Variants in SNX1 observed in about 807,000 individuals in gnomAD.
SNX1 encodes the protein sorting nexin 1.
In SNX1, 36 loss-of-function variants were observed where a neutral mutation model predicts 71.8. That is an observed-to-expected ratio of 0.50 (90% CI 0.38 to 0.66). The LOEUF is 0.66. Ranked by LOEUF, SNX1 falls within the 30% of genes least tolerant of loss-of-function variation. SNX1 has a pLI of 0.00. For missense variants in SNX1, 612 were observed against 646.7 expected (o/e 0.95, Z 0.58); for synonymous variants, 254 against 240.7 (o/e 1.06, Z -0.51).
At chr15:64,135,757 C>CAAAAAA (rs573541153) in intron 12 of SNX1, among the ~76,000 whole-genome samples, 35 of 108,584 alleles carry the variant, frequency 3.2e-4, no homozygotes, top group African/African-American at 9.9e-4. Context: ...GACTCTGTCT[C>CAAAAAA]AAAAAAAAAA....
At chr15:64,135,457 A>G (rs962545510) in intron 12 of SNX1, among the ~76,000 whole-genome samples, 5 of 148,684 alleles carry the variant, frequency 3.4e-5, no homozygotes, top group Non-Finnish European at 1.5e-5. Context: ...CTCTACTAAA[A>G]ATACAAAAAA....
At position 64,137,702 on chromosome 15, in the gene SNX1, G is replaced by T; in HGVS notation, c.*84G>T. ...TCCACCTTGATGGACCCCTAGTGAT[G>T]CATCCTGCCTAGGCTGGACTTAACC... On this transcript the variant is annotated 3_prime_UTR_variant, in exon 15 of 15. Transcript: ENST00000559844. 1.9e-6 allele frequency: 3 copies of T among 1,602,014 alleles called. No individual in the cohort carries two copies. The highest frequency in any genetic ancestry group is 1.3e-5 in the African/African-American group (1 of 74,790).
At chr15:64,123,010 G>C (rs1291040203) in intron 4 of SNX1, among the ~76,000 whole-genome samples, 1 of 152,146 alleles carries the variant, frequency 6.6e-6, no homozygotes, top group Non-Finnish European at 1.5e-5. Flanking sequence ...ACCAATGGAG[G>C]GGGTTGTGAC....
intron 6 of SNX1, 62 bp downstream of exon 6, chr15:64,126,282 C>G: frequency 6.4e-7 from 1 of 1,558,206 alleles, no homozygotes. Flanking sequence ...CCAAAATTCA[C>G]TCACTGTTCA....
intron 1 of SNX1, among the ~76,000 whole-genome samples, 159 bp downstream of exon 1, chr15:64,096,331 A>G (rs151016044): frequency 5.3e-4 from 80 of 152,282 alleles, no homozygotes; most frequent in African/African-American, 1.7e-3. Context: ...TCGAAGCGGT[A>G]GAGCTTGGCT....
At chr15:64,119,653 G>T (rs1454233949) in intron 4 of SNX1, among the ~76,000 whole-genome samples, 4 of 151,728 alleles carry the variant, frequency 2.6e-5, no homozygotes, top group Non-Finnish European at 1.5e-5. Context: ...GAACCCGGGA[G>T]GTGGAGGCTG....
chr15:64,132,913 G>A (rs1415253423), intron 11 of SNX1, among the ~76,000 whole-genome samples: 1 of 152,176 alleles, frequency 6.6e-6, no homozygotes, highest in African/African-American at 2.4e-5. Context: ...CTTAGAACTG[G>A]GCAGGCTACT....
intron 3 of SNX1, 47 bp from the exon 4 acceptor site, chr15:64,118,741 C>CT (rs756382375): frequency 6.7e-4 from 941 of 1,413,890 alleles, no homozygotes; most frequent in Middle Eastern, 8.8e-4. Flanking sequence ...AAATTGATAG[C>CT]TTTTTTTTTC....
rs899554855 is a variant in SNX1 at position 64,123,500 on chromosome 15, C to T, written c.467-3C>T. 3.7e-6 allele frequency: 6 copies of T among 1,613,276 alleles called. No individual in the cohort carries two copies. Among genetic ancestry groups the T allele is most frequent in the African/African-American group, 2.7e-5 (2 of 74,912 alleles). On this transcript the variant is annotated splice_polypyrimidine_tract_variant and splice_region_variant and intron_variant, in intron 4 of 14. Coordinates refer to ENST00000559844, the MANE Select transcript of SNX1 (RefSeq NM_003099.5). ...AATCTTCTGCTTTCTTGTTCTCTCA[C>T]AGGGGATGGTATGAATGCATATGTA...
At chr15:64,097,087 A>G (rs1041561743) in intron 1 of SNX1, among the ~76,000 whole-genome samples, 1 of 151,998 alleles carries the variant, frequency 6.6e-6, no homozygotes, top group Non-Finnish European at 1.5e-5. Context: ...TGCTCCTTTT[A>G]TGGTTCCTAT....
intron 1 of SNX1, among the ~76,000 whole-genome samples, chr15:64,108,150 G>A (rs993907902): frequency 1.0e-4 from 15 of 150,544 alleles, no homozygotes; most frequent in African/African-American, 2.7e-4. Context: ...CCAAGATTGC[G>A]CCACTGCACT....
intron 1 of SNX1, 35 bp from the exon 2 acceptor site, chr15:64,112,538 G>A: frequency 1.4e-6 from 2 of 1,462,460 alleles, no homozygotes; most frequent in Non-Finnish European, 9.4e-7. Flanking sequence ...GTTTTTCATG[G>A]TAATGTTTTA....
chr15:64,122,662 G>A (rs2081207833), intron 4 of SNX1, among the ~76,000 whole-genome samples: 1 of 152,100 alleles, frequency 6.6e-6, no homozygotes, highest in Admixed American at 6.6e-5. Flanking sequence ...TTTGATGTGG[G>A]AAGGAATCAA....
At chr15:64,136,450 C>G (rs2081361107) in intron 13 of SNX1, 40 bp downstream of exon 13, 1 of 1,529,410 alleles carries the variant, frequency 6.5e-7, no homozygotes. Flanking sequence ...GCATGCAGTG[C>G]TTGTTTTGGG....
chr15:64,131,708 A>C lies in SNX1; in HGVS notation c.1037A>C (p.Gln346Pro). The C allele has an allele frequency of 1.2e-6, 2 of 1,614,108 alleles. No homozygotes were observed. Among genetic ancestry groups the C allele is most frequent in the Non-Finnish European group, 1.7e-6 (2 of 1,180,022 alleles). ...CCAGAGCTAGCGCTGAACACAGCCCAGTTTGCAAAGAGTCTAGCCATGCTT... is the reference window on the plus strand; with the variant it reads ...CCAGAGCTAGCGCTGAACACAGCCCCGTTTGCAAAGAGTCTAGCCATGCTT... ...HRKELALNTA[Q>P]FAKSLAMLGS... The change falls in exon 11 of 15, where the codon CAG (glutamine) becomes CCG (proline). Residue 346 changes from glutamine (Q) to proline (P), a missense_variant. Around this residue, in one of 2 missense-constraint regions of SNX1, gnomAD observed 296 missense variants for 361.9 expected, o/e 0.82. Transcript: ENST00000559844.
intron 1 of SNX1, among the ~76,000 whole-genome samples, chr15:64,097,097 T>A (rs2080910600): frequency 6.7e-6 from 1 of 150,260 alleles, no homozygotes; most frequent in African/African-American, 2.5e-5. Context: ...ATGGTTCCTA[T>A]GGGTTACCCC....
At chr15:64,122,884 A>C (rs1205538540) in intron 4 of SNX1, among the ~76,000 whole-genome samples, 3 of 152,136 alleles carry the variant, frequency 2.0e-5, no homozygotes, top group Non-Finnish European at 2.9e-5. Flanking sequence ...CTTCATAAAA[A>C]TAATTGCTCC....
At chr15:64,105,093 G>T (rs1015960759) in intron 1 of SNX1, among the ~76,000 whole-genome samples, 5 of 151,696 alleles carry the variant, frequency 3.3e-5, no homozygotes, top group Non-Finnish European at 7.4e-5. Context: ...AAATTAGCCA[G>T]GCGTGGTGGT....
rs1056427763 is a variant in SNX1, at chr15:64,129,689, TA to T, written c.808-223del. Among the ~76,000 whole-genome samples, 2 of 152,222 alleles carry T rather than the reference TA, an allele frequency of 1.3e-5. No homozygotes were observed. Among genetic ancestry groups the T allele is most frequent in the African/African-American group, 4.8e-5 (2 of 41,456 alleles). Reference sequence around the variant, plus strand: ...CACCCCAGTCTACTTTTTTTCTGTATAAAATATCAAAAGCTGAAAATGTTGC... The same window carrying T: ...CACCCCAGTCTACTTTTTTTCTGTATAAATATCAAAAGCTGAAAATGTTGC... On this transcript the variant is annotated intron_variant, in intron 8 of 14. Transcript: ENST00000559844. The surrounding 1 kb of genome is among the most constrained non-coding windows in gnomAD (Gnocchi z 4.4).
Sources: allele counts gnomAD v4.1 joint callset (sites outside exome capture counted in the v4.1 genomes callset), GRCh38; gene constraint gnomAD v4.1.1; regional missense constraint gnomAD v4.1.1; non-coding constraint Gnocchi (gnomAD v3.1); transcripts MANE v1.5; gene names NCBI Gene and HGNC (gene_info 2026-07-23, HGNC 2026-07-21).